DPP6: variants seen among roughly 807,000 people sequenced by gnomAD.
The protein encoded by DPP6 is dipeptidyl peptidase like 6, also known as A-type potassium channel modulatory protein DPP6.
Under a neutral mutation model 122.6 loss-of-function variants are expected in DPP6, and 69 were observed. The observed-to-expected ratio is 0.56, with a 90% CI of 0.46 to 0.69. The LOEUF is 0.69. Ranked by LOEUF, DPP6 falls within the 30% of genes least tolerant of loss-of-function variation. DPP6 has a pLI of 0.00. For synonymous variants in DPP6, 418 were observed against 433.1 expected (o/e 0.97, Z 0.43); for missense variants, 928 against 1,116.9 (o/e 0.83, Z 2.41).
chr7:153,963,422 A>C (rs1315665218), intron 1 of DPP6, among the ~76,000 whole-genome samples: 1 of 137,796 alleles, frequency 7.3e-6, no homozygotes, highest in African/African-American at 2.6e-5. Context: ...AGGTTGTCTC[A>C]CTGGTATTTA....
At chr7:154,327,161 C>T (rs181896367) in intron 1 of DPP6, among the ~76,000 whole-genome samples, 21 of 152,124 alleles carry the variant, frequency 1.4e-4, no homozygotes, top group Admixed American at 1.0e-3. Context: ...TTTAGGCTTC[C>T]AGGCAAAGTG....
At chr7:153,855,162 G>A in the DPP6 span, among the ~76,000 whole-genome samples, 41 of 147,402 alleles carry the variant, frequency 2.8e-4, no homozygotes, top group East Asian at 1.0e-3. Context: ...TGGGTGCAGC[G>A]CACCAGCATG....
At chr7:154,473,135 C>T (rs1333556251) in intron 2 of DPP6, among the ~76,000 whole-genome samples, 1 of 152,154 alleles carries the variant, frequency 6.6e-6, no homozygotes, top group Non-Finnish European at 1.5e-5. Flanking sequence ...TATTTTCTGA[C>T]CACGTACTTA....
chr7:153,799,219 G>A, the DPP6 span, among the ~76,000 whole-genome samples: 1 of 152,110 alleles, frequency 6.6e-6, no homozygotes, highest in Non-Finnish European at 1.5e-5. Context: ...CACAGTTGAT[G>A]GAATGTAGTA....
intron 10 of DPP6, among the ~76,000 whole-genome samples, chr7:154,784,147 C>T (rs988492155): frequency 3.9e-5 from 6 of 152,096 alleles, no homozygotes; most frequent in Admixed American, 1.3e-4. Flanking sequence ...CAACATGGAA[C>T]CTCCTGCATG....
At chr7:153,980,770 G>T (rs1796543119) in intron 1 of DPP6, among the ~76,000 whole-genome samples, 1 of 152,172 alleles carries the variant, frequency 6.6e-6, no homozygotes, top group Non-Finnish European at 1.5e-5. Flanking sequence ...TGGTTTCAAA[G>T]AACTTACTTA....
the DPP6 span, among the ~76,000 whole-genome samples, chr7:153,790,614 T>G: frequency 1.3e-5 from 2 of 152,214 alleles, no homozygotes; most frequent in African/African-American, 4.8e-5. Flanking sequence ...TGTAAAATGT[T>G]TCCGTTGATA....
At chr7:154,103,971 C>G (rs2626691) in intron 1 of DPP6, among the ~76,000 whole-genome samples, 3 of 152,190 alleles carry the variant, frequency 2.0e-5, no homozygotes, top group South Asian at 2.1e-4. Context: ...CTCTCTTCCC[C>G]AGCTTGCAGA....
intron 8 of DPP6, among the ~76,000 whole-genome samples, chr7:154,732,117 C>T (rs1292335892): frequency 6.6e-6 from 1 of 151,876 alleles, no homozygotes; most frequent in East Asian, 1.9e-4. Flanking sequence ...CGGCTCACTG[C>T]AAGCTCCGCC....
chr7:153,866,072 T>G, the DPP6 span, among the ~76,000 whole-genome samples: 3 of 152,288 alleles, frequency 2.0e-5, no homozygotes, highest in African/African-American at 7.2e-5. Flanking sequence ...TTTGGGTTGG[T>G]TCCAAGTCTT....
At chr7:154,425,604 A>ATGTG (rs56126099) in intron 1 of DPP6, among the ~76,000 whole-genome samples, 3 of 128,236 alleles carry the variant, frequency 2.3e-5, no homozygotes, top group Admixed American at 2.2e-4. Flanking sequence ...GGGGAAAAAA[A>ATGTG]TGTGTGTGTG....
At chr7:154,632,274 T>C (rs368938514) in intron 5 of DPP6, among the ~76,000 whole-genome samples, 1 of 152,206 alleles carries the variant, frequency 6.6e-6, no homozygotes, top group East Asian at 1.9e-4. Flanking sequence ...AGCTTTAGGC[T>C]AAACGTGACT....
At chr7:153,995,588 CAAAAA>C (rs55905154) in intron 1 of DPP6, among the ~76,000 whole-genome samples, 2 of 88,952 alleles carry the variant, frequency 2.2e-5, no homozygotes, top group South Asian at 5.2e-4. Flanking sequence ...GACTCCGTCT[CAAAAA>C]AAAAAAAAAA....
At chr7:154,830,399 C>T (rs534825634) in intron 16 of DPP6, among the ~76,000 whole-genome samples, 1 of 152,256 alleles carries the variant, frequency 6.6e-6, no homozygotes, top group South Asian at 2.1e-4. Context: ...TTTGGTCCAA[C>T]AAAGAAGCGC....
At chr7:153,749,720 C>T in the DPP6 span, among the ~76,000 whole-genome samples, 1 of 152,184 alleles carries the variant, frequency 6.6e-6, no homozygotes, top group Non-Finnish European at 1.5e-5. The surrounding 1 kb of genome is among the most constrained non-coding windows in gnomAD (Gnocchi z 4.1). Context: ...TGGCCATGCT[C>T]AATACGCCTC....
intron 1 of DPP6, among the ~76,000 whole-genome samples, chr7:154,225,447 C>T (rs765377791): frequency 1.2e-4 from 18 of 152,078 alleles, no homozygotes; most frequent in Non-Finnish European, 1.9e-4. Context: ...AATGGATACT[C>T]CAATTACGTG....
the DPP6 span, among the ~76,000 whole-genome samples, chr7:153,855,982 G>C: frequency 6.6e-6 from 1 of 152,210 alleles, no homozygotes; most frequent in Middle Eastern, 3.4e-3. Flanking sequence ...TTAAACAATT[G>C]CCTCAATACA....
At chr7:154,123,246 C>G (rs1244681709) in intron 1 of DPP6, among the ~76,000 whole-genome samples, 1 of 152,214 alleles carries the variant, frequency 6.6e-6, no homozygotes, top group African/African-American at 2.4e-5. Flanking sequence ...CCTTGTACTT[C>G]TGTCCTCCCA....
the DPP6 span, among the ~76,000 whole-genome samples, chr7:153,798,924 A>C: frequency 1.3e-5 from 2 of 152,222 alleles, no homozygotes; most frequent in Non-Finnish European, 2.9e-5. Flanking sequence ...TTCACAACAG[A>C]GTTCCAGCTC....
Sources: gnomAD v4.1 joint callset for allele counts (sites outside exome capture counted in the v4.1 genomes callset) on GRCh38, gnomAD v4.1.1 for gene constraint, Gnocchi (gnomAD v3.1) non-coding constraint, MANE v1.5 for transcripts, NCBI Gene and HGNC (gene_info 2026-07-23, HGNC 2026-07-21) for gene names.